Variants in GTF2E2 observed in about 807,000 individuals in gnomAD.
The protein encoded by GTF2E2 is general transcription factor IIE subunit 2.
A neutral mutation model predicts 40.5 loss-of-function variants in GTF2E2; 21 were observed. That is an observed-to-expected ratio of 0.52 (90% CI 0.37 to 0.75). The LOEUF (loss-of-function observed/expected upper bound fraction) is 0.75. Ranked by LOEUF, GTF2E2 falls within the 30% of genes least tolerant of loss-of-function variation. The pLI is 0.00. For synonymous variants in GTF2E2, 117 were observed against 121.6 expected (o/e 0.96, Z 0.25); for missense variants, 298 against 338.4 (o/e 0.88, Z 0.94).
intron 6 of GTF2E2, among the ~76,000 whole-genome samples, chr8:30,594,782 A>G (rs369086220): frequency 6.7e-6 from 1 of 150,046 alleles, no homozygotes; most frequent in South Asian, 2.1e-4. Context: ...ACTTGAACCC[A>G]GTAGGTGGAG....
At position 30,607,826 on chromosome 8, in the gene GTF2E2, A is replaced by G. The variant is rs546332590; in HGVS notation, c.550-676T>C. 7.8e-4 allele frequency among the ~76,000 whole-genome samples: 119 copies of G among 152,266 alleles called. 1 individual carries two copies. Among genetic ancestry groups the G allele is most frequent in the African/African-American group, 2.7e-3 (112 of 41,536 alleles). Reference sequence around the variant, plus strand: ...CCTTGAGATATTTCGCTCCTTACTCATCATTACCCATCAATTATTTCCAAT... The same window carrying G: ...CCTTGAGATATTTCGCTCCTTACTCGTCATTACCCATCAATTATTTCCAAT... On this transcript the variant is annotated intron_variant, in intron 5 of 7. Coordinates refer to ENST00000355904, the MANE Select transcript of GTF2E2 (RefSeq NM_002095.6).
At chr8:30,649,932 G>A (rs144249291) in intron 2 of GTF2E2, among the ~76,000 whole-genome samples, 1 of 152,258 alleles carries the variant, frequency 6.6e-6, no homozygotes, top group East Asian at 1.9e-4. Flanking sequence ...GAAAATCTGA[G>A]TAAACTGAAA....
chr8:30,619,419 G>A (rs62505285), intron 3 of GTF2E2, among the ~76,000 whole-genome samples: 1 of 143,370 alleles, frequency 7.0e-6, no homozygotes, highest in Non-Finnish European at 1.5e-5. Context: ...ACGGAGTTTC[G>A]CTCTTGGTGC....
At chr8:30,584,896 A>G (rs1828626769) in intron 6 of GTF2E2, 1 of 152,216 alleles carries the variant, frequency 6.6e-6, no homozygotes, top group Non-Finnish European at 1.5e-5. Flanking sequence ...TGAGGATAAT[A>G]ATAATACCTG....
chr8:30,614,755 A>T, intron 3 of GTF2E2, 40 bp from the exon 4 acceptor site: 1 of 1,069,022 alleles, frequency 9.4e-7, no homozygotes, highest in Non-Finnish European at 1.4e-6. Flanking sequence ...ACAGTTTCAA[A>T]ATGCTAGATG....
chr8:30,609,378 AT>A (rs1252894740), intron 5 of GTF2E2, among the ~76,000 whole-genome samples: 1 of 151,958 alleles, frequency 6.6e-6, no homozygotes, highest in Non-Finnish European at 1.5e-5. Flanking sequence ...ATATCCCAAA[AT>A]TTGAAAAAAA....
intron 2 of GTF2E2, among the ~76,000 whole-genome samples, chr8:30,651,365 G>A (rs1802270551): frequency 6.6e-6 from 1 of 151,180 alleles, no homozygotes; most frequent in African/African-American, 2.4e-5. Context: ...CAAGATCAAT[G>A]TATTAAAAAA....
chr8:30,645,183 T>G, intron 2 of GTF2E2: 2 of 1,042,434 alleles, frequency 1.9e-6, no homozygotes. Flanking sequence ...GGAAGATTCA[T>G]GTTGCCTATA....
rs114168178 is a variant in GTF2E2, at chr8:30,581,433, T to C, written c.644-1037A>G. ...TTCCCCTTTTCCTTCCTTCCCCCTT[T>C]CTCTCTCATTTCAGTACACGCTGCA... On this transcript the variant is annotated intron_variant, in intron 6 of 7. Coordinates refer to ENST00000355904, the MANE Select transcript of GTF2E2 (RefSeq NM_002095.6). Among the ~76,000 whole-genome samples the C allele has an allele frequency of 1.5e-3, 235 of 152,188 alleles. 2 individuals are homozygous for C. The highest frequency in any genetic ancestry group is 5.3e-3 in the African/African-American group (219 of 41,516).
At chr8:30,596,854 T>C (rs896920448) in intron 6 of GTF2E2, 2 of 152,278 alleles carry the variant, frequency 1.3e-5, no homozygotes, top group African/African-American at 2.4e-5. Context: ...TTGGAATTTG[T>C]TGCTGCCATG....
At chr8:30,631,164 G>GC (rs369177852) in intron 3 of GTF2E2, among the ~76,000 whole-genome samples, 1 of 152,222 alleles carries the variant, frequency 6.6e-6, no homozygotes, top group East Asian at 1.9e-4. Flanking sequence ...GCGGTTACAG[G>GC]CATGTGCCAA....
chr8:30,594,093 G>A (rs554430077), intron 6 of GTF2E2, among the ~76,000 whole-genome samples: 1 of 151,964 alleles, frequency 6.6e-6, no homozygotes, highest in South Asian at 2.1e-4. Context: ...ACCACACTCA[G>A]CTAACTTTTG....
intron 6 of GTF2E2, among the ~76,000 whole-genome samples, chr8:30,600,892 C>CAA (rs780330025): frequency 6.6e-6 from 1 of 152,182 alleles, no homozygotes; most frequent in Non-Finnish European, 1.5e-5. Context: ...TGTGCGCACT[C>CAA]AGAGTTCCTC....
chr8:30,591,656 A>T (rs922481977), intron 6 of GTF2E2, among the ~76,000 whole-genome samples: 1 of 152,194 alleles, frequency 6.6e-6, no homozygotes, highest in Non-Finnish European at 1.5e-5. Context: ...GGAAAGCAGA[A>T]CCTTCCTAAG....
At chr8:30,647,406 C>T (rs1273806739) in intron 2 of GTF2E2, among the ~76,000 whole-genome samples, 1 of 152,086 alleles carries the variant, frequency 6.6e-6, no homozygotes, top group Non-Finnish European at 1.5e-5. Flanking sequence ...CATGGTGAAA[C>T]CCCATCTCTA....
intron 2 of GTF2E2, chr8:30,645,279 A>G: frequency 6.6e-7 from 1 of 1,508,136 alleles, no homozygotes; most frequent in Non-Finnish European, 8.8e-7. Context: ...CCTTTTTTAT[A>G]GATTCAAAAG....
Position 30,612,352 on chromosome 8 carries a change from T to C in GTF2E2, c.496A>G (p.Ile166Val). 6 of 1,613,128 alleles carry C rather than the reference T, an allele frequency of 3.7e-6. No homozygotes were observed. The highest frequency in any genetic ancestry group is 5.1e-6 in the Non-Finnish European group (6 of 1,179,140). ...DQHDQRGLGG[I>V]LLEDIEEALP... ...GCTTCTTCTATGTCTTCTAAAAGAA[T>C]TCCTCCTAATCCTCGCTGGTCATGC... The change falls in exon 5 of 8, where the codon ATT becomes GTT. Residue 166 changes from isoleucine to valine, a missense_variant. Transcript: ENST00000355904.
chr8:30,655,830 C>CA (rs1431049745), intron 1 of GTF2E2, among the ~76,000 whole-genome samples: 2 of 151,738 alleles, frequency 1.3e-5, no homozygotes, highest in South Asian at 2.1e-4. Flanking sequence ...TTTTTTGAGA[C>CA]AGAGTCTCGC....
chr8:30,632,510 T>C (rs1300468373), intron 3 of GTF2E2, among the ~76,000 whole-genome samples: 1 of 152,166 alleles, frequency 6.6e-6, no homozygotes, highest in Non-Finnish European at 1.5e-5. Flanking sequence ...TACTAAAAGT[T>C]TTCACAAAAA....
Sources: gnomAD v4.1 joint callset for allele counts (sites outside exome capture counted in the v4.1 genomes callset) on GRCh38, gnomAD v4.1.1 for gene constraint, MANE v1.5 for transcripts, NCBI Gene and HGNC (gene_info 2026-07-23, HGNC 2026-07-21) for gene names.